The following SMC5 variants were observed in gnomAD, a reference collection of about 807,000 sequenced individuals.
The protein encoded by SMC5 is structural maintenance of chromosomes protein 5.
A neutral mutation model predicts 148.3 loss-of-function variants in SMC5; 88 were observed. The observed-to-expected ratio is 0.59, with a 90% CI of 0.50 to 0.71. The LOEUF (loss-of-function observed/expected upper bound fraction) is 0.71. Ranked by LOEUF, SMC5 falls within the 30% of genes least tolerant of loss-of-function variation. SMC5 has a pLI of 0.00. For missense variants in SMC5, 1,142 were observed against 1,298.9 expected (o/e 0.88, Z 1.86); for synonymous variants, 421 against 432.8 (o/e 0.97, Z 0.34).
chr9:70,282,463 A>G lies in SMC5; in HGVS notation c.861A>G (p.Leu287=), dbSNP rs1564029026. 3 of 1,604,780 alleles carry G rather than the reference A, an allele frequency of 1.9e-6. No individual in the cohort carries two copies. In the South Asian group the frequency reaches 3.4e-5, roughly 18 times the overall value. ...NVRQEYEEVK[L]VRDRVKEEVR... ...GTCAGGAATATGAAGAAGTAAAACT[A>G]GTTCGTGACCGAGTGAAGGAAGAGG... Residue 287 remains leucine, a synonymous_variant, in exon 7 of 25, where the codon CTA becomes CTG. Transcript: ENST00000361138.
At chr9:70,282,642 A>G in intron 7 of SMC5, 59 bp downstream of exon 7, 1 of 1,471,886 alleles carries the variant, frequency 6.8e-7, no homozygotes, top group South Asian at 1.3e-5. Flanking sequence ...TATAAAAAAT[A>G]TTTTGCAGGT....
chr9:70,283,238 C>T (rs567760147), intron 7 of SMC5, among the ~76,000 whole-genome samples: 230 of 152,056 alleles, frequency 1.5e-3, no homozygotes, highest in African/African-American at 5.1e-3. Flanking sequence ...CTGAGGCGGG[C>T]GGATCAGTTG....
chr9:70,278,721 A>G (rs2034665738), intron 5 of SMC5, 96 bp downstream of exon 5: 1 of 1,266,524 alleles, frequency 7.9e-7, no homozygotes, highest in Non-Finnish European at 1.1e-6. Flanking sequence ...CATTGAGTGA[A>G]TTCGTATTTG....
chr9:70,330,942 G>A (rs1365062830), intron 17 of SMC5, among the ~76,000 whole-genome samples: 4 of 152,022 alleles, frequency 2.6e-5, no homozygotes, highest in African/African-American at 7.3e-5. Flanking sequence ...AAATATTGTC[G>A]TTTCAACTTA....
intron 11 of SMC5, among the ~76,000 whole-genome samples, chr9:70,310,670 TTTCTC>T (rs1254621054): frequency 1.3e-5 from 2 of 152,242 alleles, no homozygotes; most frequent in Non-Finnish European, 2.9e-5. Flanking sequence ...ATTGATTTCT[TTTCTC>T]TAGTTATGAA....
intron 11 of SMC5, among the ~76,000 whole-genome samples, chr9:70,307,663 C>T (rs906878342): frequency 2.0e-5 from 3 of 152,012 alleles, no homozygotes; most frequent in South Asian, 4.2e-4. Context: ...CCACCGTGCC[C>T]GGCTAATTTT....
At chr9:70,299,326 T>A (rs1229047741) in intron 9 of SMC5, among the ~76,000 whole-genome samples, 1 of 152,046 alleles carries the variant, frequency 6.6e-6, no homozygotes, top group East Asian at 1.9e-4. Context: ...AAAAAGCTTT[T>A]AATTTTTTTT....
intron 13 of SMC5, among the ~76,000 whole-genome samples, chr9:70,317,530 G>A (rs2035834472): frequency 6.6e-6 from 1 of 151,992 alleles, no homozygotes; most frequent in Non-Finnish European, 1.5e-5. Flanking sequence ...ATGCCCTGTT[G>A]ACCTAGTGTG....
intron 13 of SMC5, 22 bp downstream of exon 13, chr9:70,315,600 T>G (rs1259636815): frequency 6.8e-7 from 1 of 1,480,918 alleles, no homozygotes; most frequent in Non-Finnish European, 9.0e-7. Flanking sequence ...GTGAATCATG[T>G]ACTGAATCAT....
At chr9:70,325,452 C>G (rs2118664951) in intron 17 of SMC5, among the ~76,000 whole-genome samples, 1 of 152,266 alleles carries the variant, frequency 6.6e-6, no homozygotes, top group South Asian at 2.1e-4. Flanking sequence ...CTCTAAAGGT[C>G]TCATTAGTTG....
At position 70,347,159 on chromosome 9, in the gene SMC5, A is replaced by G; in HGVS notation, c.2662A>G (p.Thr888Ala). 13 of 1,612,936 alleles carry G rather than the reference A, an allele frequency of 8.1e-6. No homozygotes were observed. The highest frequency in any genetic ancestry group is 1.1e-5 in the Non-Finnish European group (13 of 1,179,158). ...TTCCTGCTTCACGGGACTGAATCCT[A>G]CAGTATGCCTGTTTCTCTATTCCCA... ...RASCFTGLNPTIVQEYTKREE... is the reference protein window; with the variant it reads ...RASCFTGLNPAIVQEYTKREE... Residue 888 changes from threonine to alanine, a missense_variant and splice_region_variant, in exon 20 of 25, where the codon ACA becomes GCA. This residue lies in a region of SMC5 where 743 missense variants were observed against 835.7 expected (regional missense o/e 0.89). Coordinates refer to ENST00000361138, the MANE Select transcript of SMC5 (RefSeq NM_015110.4).
At position 70,278,622 on chromosome 9, in the gene SMC5, C is replaced by T. The variant is rs762990688; in HGVS notation, c.675C>T (p.Leu225=). The change falls in exon 5 of 25, where the codon CTC becomes CTT. Residue 225 remains leucine (L), a synonymous_variant. Coordinates refer to ENST00000361138, the MANE Select transcript of SMC5 (RefSeq NM_015110.4). ...ACTTAAGGGAGAAAGAAAAACAGCTCGAGGTACTTTAAATAGACAACTCAT... is the reference window on the plus strand; with the variant it reads ...ACTTAAGGGAGAAAGAAAAACAGCTTGAGGTACTTTAAATAGACAACTCAT... The part of the protein sequence containing the change: ...LKNLREKEKQ[L]ETSCKEKTEY... 6 of 1,597,310 alleles carry T rather than the reference C, an allele frequency of 3.8e-6. No homozygotes were observed. The highest frequency in any genetic ancestry group is 1.1e-5 in the South Asian group (1 of 87,896).
chr9:70,277,545 A>G lies in SMC5; in HGVS notation c.543+73A>G, dbSNP rs143361396. The G allele has an allele frequency of 4.4e-4, 556 of 1,255,628 alleles. 3 individuals carry two copies. In the African/African-American group the frequency reaches 8.1e-3, roughly 18 times the overall value. The allele number at this position is 1,255,628 out of a possible 1,614,324, so 77.8% of individuals were successfully genotyped here. On this transcript the variant is annotated intron_variant, in intron 4 of 24. Coordinates refer to ENST00000361138, the MANE Select transcript of SMC5 (RefSeq NM_015110.4). Reference sequence around the variant, plus strand: ...TTCCTTTTTATGCCGTTGAAGGGATATCATAATGACTGCTATTTAAATTGA... The same window carrying G: ...TTCCTTTTTATGCCGTTGAAGGGATGTCATAATGACTGCTATTTAAATTGA...
intron 13 of SMC5, 31 bp from the exon 14 acceptor site, chr9:70,318,483 G>T: frequency 6.9e-7 from 1 of 1,440,666 alleles, no homozygotes. Context: ...ATTTATATTA[G>T]ATGTGCACTA....
At chr9:70,260,102 G>C (rs567088677) in intron 1 of SMC5, among the ~76,000 whole-genome samples, 39 of 151,952 alleles carry the variant, frequency 2.6e-4, no homozygotes, top group African/African-American at 8.9e-4. Context: ...GCGCCACCAC[G>C]CCCGGCTAGT....
intron 15 of SMC5, among the ~76,000 whole-genome samples, chr9:70,319,300 AT>A (rs950165007): frequency 1.5e-4 from 22 of 151,380 alleles, no homozygotes; most frequent in Middle Eastern, 3.4e-3. Flanking sequence ...TCATTAATTT[AT>A]TTTTTTTTAG....
chr9:70,316,779 T>G (rs907943261), intron 13 of SMC5, among the ~76,000 whole-genome samples: 4 of 152,120 alleles, frequency 2.6e-5, no homozygotes, highest in African/African-American at 9.6e-5. Flanking sequence ...GGTCATGTAC[T>G]TTTACTTTTA....
At chr9:70,285,339 TA>T (rs1267784197) in intron 7 of SMC5, among the ~76,000 whole-genome samples, 1 of 152,192 alleles carries the variant, frequency 6.6e-6, no homozygotes, top group Non-Finnish European at 1.5e-5. Flanking sequence ...AGAATGTGCT[TA>T]ATTCTTCCAT....
intron 8 of SMC5, among the ~76,000 whole-genome samples, chr9:70,295,839 T>C (rs2035187481): frequency 6.6e-6 from 1 of 152,198 alleles, no homozygotes; most frequent in Non-Finnish European, 1.5e-5. Context: ...TTCTGTTTGT[T>C]AGTGAATCTT....
Sources: allele counts gnomAD v4.1 joint callset (sites outside exome capture counted in the v4.1 genomes callset), GRCh38; gene constraint gnomAD v4.1.1; regional missense constraint gnomAD v4.1.1; transcripts MANE v1.5; gene names NCBI Gene and HGNC (gene_info 2026-07-23, HGNC 2026-07-21).